The following ZZEF1 variants were observed in gnomAD, a reference collection of about 807,000 sequenced individuals.
The protein encoded by ZZEF1 is zinc finger ZZ-type and EF-hand domain-containing protein 1.
In ZZEF1, 157 loss-of-function variants were observed where a neutral mutation model predicts 342.8. The ratio of observed to expected loss-of-function variants is 0.46; its 90% CI spans 0.40 to 0.52. The LOEUF (loss-of-function observed/expected upper bound fraction) is 0.52, where lower values mean the gene tolerates loss of function less well. Among genes scored for constraint, ZZEF1 ranks in the 20% least tolerant of loss-of-function variants. The pLI, the probability that ZZEF1 is intolerant of heterozygous loss-of-function variation, is 0.00. For synonymous variants in ZZEF1, 1,505 were observed against 1,429.1 expected (o/e 1.05, Z -1.20); for missense variants, 3,480 against 3,725.6 (o/e 0.93, Z 1.72).
At chr17:4,127,975 TC>T (rs2058599089) in intron 1 of ZZEF1, among the ~76,000 whole-genome samples, 1 of 152,024 alleles carries the variant, frequency 6.6e-6, no homozygotes, top group Non-Finnish European at 1.5e-5. Context: ...AGCTTTTTAG[TC>T]CCCCATTCCT....
Position 4,077,993 on chromosome 17 carries a change from A to T in ZZEF1, c.2879T>A (p.Leu960His), listed in dbSNP as rs1567820927. 1.2e-6 allele frequency: 2 copies of T among 1,614,048 alleles called. No homozygotes were observed. Among genetic ancestry groups the T allele is most frequent in the African/African-American group, 2.7e-5 (2 of 74,940 alleles). Residue 960 changes from leucine to histidine, a missense_variant, in exon 19 of 55, where the codon CTC (leucine) becomes CAC (histidine). Around this residue, in one of 5 missense-constraint regions of ZZEF1, gnomAD observed 1,528 missense variants for 1,624.1 expected, o/e 0.94. Transcript: ENST00000381638. ...TTGGACGGACCAGAACAGGGAGAAGAGCACAGAGCCCACCTCCCCTGGGGC... is the reference window on the plus strand; with the variant it reads ...TTGGACGGACCAGAACAGGGAGAAGTGCACAGAGCCCACCTCCCCTGGGGC... ...SGAPGEVGSV[L>H]FSLFWSVQGS...
Position 4,072,542 on chromosome 17 carries a change from C to T in ZZEF1, c.3834+66G>A. 3 of 1,509,408 alleles carry T rather than the reference C, an allele frequency of 2.0e-6. No homozygotes were observed. In the African/African-American group the frequency reaches 4.2e-5, roughly 21 times the overall value. The allele number at this position is 1,509,408 out of a possible 1,614,324, so 93.5% of individuals were successfully genotyped here. A position where few individuals can be genotyped will look rare whatever the true frequency, so the allele number is the denominator to read the frequency against. On this transcript the variant is annotated intron_variant, in intron 25 of 54. Coordinates refer to ENST00000381638, the MANE Select transcript of ZZEF1 (RefSeq NM_015113.4). Reference sequence around the variant, plus strand: ...AAGATAGAAACACAAGTGTTTATAACTTAAAGTAATAAATACTTGCAGGCA... The same window carrying T: ...AAGATAGAAACACAAGTGTTTATAATTTAAAGTAATAAATACTTGCAGGCA...
At chr17:4,070,446 A>G (rs1344480432) in intron 26 of ZZEF1, among the ~76,000 whole-genome samples, 1 of 152,174 alleles carries the variant, frequency 6.6e-6, no homozygotes, top group Non-Finnish European at 1.5e-5. Flanking sequence ...AGAATTCTGG[A>G]TAAAGATAAT....
Position 4,051,046 on chromosome 17 carries a change from G to C in ZZEF1, c.5601-3C>G. The C allele has an allele frequency of 6.2e-7, 1 of 1,614,110 alleles. No homozygotes were observed. Among genetic ancestry groups the C allele is most frequent in the Non-Finnish European group, 8.5e-7 (1 of 1,180,036 alleles). On this transcript the variant is annotated splice_polypyrimidine_tract_variant and splice_region_variant and intron_variant, in intron 35 of 54. Coordinates refer to ENST00000381638, the MANE Select transcript of ZZEF1 (RefSeq NM_015113.4). Reference sequence around the variant, plus strand: ...TGATGCTGTGGGTAGGCAAATGGCTGCAAAGGCAAGACACATTTAAAGCTT... The same window carrying C: ...TGATGCTGTGGGTAGGCAAATGGCTCCAAAGGCAAGACACATTTAAAGCTT...
At position 4,055,850 on chromosome 17, in the gene ZZEF1, T is replaced by A. The variant is rs113384728; in HGVS notation, c.5295+366A>T. On this transcript the variant is annotated intron_variant, in intron 33 of 54. Transcript: ENST00000381638. ...GACCAATTTCGTAGAAGACAATTTC[T>A]GCACAGGACTGGGTGGGGGATGGTT... Among the ~76,000 whole-genome samples the A allele has an allele frequency of 1.6e-3, 239 of 152,308 alleles. 2 individuals are homozygous for A. Among genetic ancestry groups the A allele is most frequent in the African/African-American group, 5.6e-3 (231 of 41,584 alleles).
At position 4,086,639 on chromosome 17, in the gene ZZEF1, C is replaced by T. The variant is rs573555876; in HGVS notation, c.2359G>A (p.Val787Ile). Residue 787 changes from valine (V) to isoleucine (I), a missense_variant, in exon 15 of 55, where the codon GTC (valine) becomes ATC (isoleucine). This residue lies in a region of ZZEF1 where 1,528 missense variants were observed against 1,624.1 expected (regional missense o/e 0.94). Transcript: ENST00000381638. ...KLKQNPREEC[V>I]SAQTLLLQLL... ...TGCAGAAGCAGGGTTTGGGCAGAGA[C>T]GCATTCTTCCCTCGGGCTACAGAAA... 1.1e-4 allele frequency: 180 copies of T among 1,613,710 alleles called. 2 individuals are homozygous for T. The South Asian group carries it at 1.4e-3, about 12-fold the overall frequency.
intron 13 of ZZEF1, 78 bp from the exon 14 acceptor site, chr17:4,087,612 T>C: frequency 7.8e-7 from 1 of 1,275,138 alleles, no homozygotes; most frequent in Non-Finnish European, 1.1e-6. Flanking sequence ...CATTTACTTC[T>C]AATTGTAAAG....
intron 17 of ZZEF1, 96 bp downstream of exon 17, chr17:4,082,341 A>C: frequency 8.7e-7 from 1 of 1,152,564 alleles, no homozygotes; most frequent in Non-Finnish European, 1.3e-6. Flanking sequence ...GGCAGGAAGT[A>C]CTACTTCGAA....
chr17:4,021,828 A>G (rs2056278221), intron 44 of ZZEF1, among the ~76,000 whole-genome samples: 1 of 152,200 alleles, frequency 6.6e-6, no homozygotes, highest in Non-Finnish European at 1.5e-5. Flanking sequence ...CTCATGATGC[A>G]GTCTAGATTT....
chr17:4,034,587 C>G (rs540889629), intron 39 of ZZEF1, among the ~76,000 whole-genome samples: 19 of 152,268 alleles, frequency 1.2e-4, no homozygotes, highest in African/African-American at 4.6e-4. Context: ...CAGAAACACG[C>G]AAAAGTTAAA....
At chr17:4,127,148 G>C (rs1356167218) in intron 1 of ZZEF1, among the ~76,000 whole-genome samples, 1 of 152,042 alleles carries the variant, frequency 6.6e-6, no homozygotes, top group East Asian at 1.9e-4. Flanking sequence ...TGGGACTACA[G>C]GCGTTTCACA....
At chr17:4,129,609 C>T (rs2058632308) in intron 1 of ZZEF1, among the ~76,000 whole-genome samples, 2 of 151,900 alleles carry the variant, frequency 1.3e-5, no homozygotes, top group East Asian at 1.9e-4. Context: ...GAGGCCGAGG[C>T]GGATGGATCA....
intron 16 of ZZEF1, among the ~76,000 whole-genome samples, chr17:4,084,850 C>T (rs1363659031): frequency 2.0e-5 from 3 of 152,202 alleles, no homozygotes; most frequent in Non-Finnish European, 2.9e-5. Context: ...AAGTGGCTCA[C>T]GCCTGTAATC....
rs375965827 is a variant in ZZEF1 at position 4,072,776 on chromosome 17, T to C, written c.3686-20A>G. The C allele has an allele frequency of 4.4e-6, 7 of 1,584,726 alleles. No homozygotes were observed. The highest frequency in any genetic ancestry group is 4.3e-6 in the Non-Finnish European group (5 of 1,164,440). ...CTAACTCTAGAAAGAGAAGAAGACA[T>C]ATGACAGTTCTATTTTTGCCTTAAT... On this transcript the variant is annotated intron_variant, in intron 24 of 54. Transcript: ENST00000381638.
At position 4,032,999 on chromosome 17, in the gene ZZEF1, C is replaced by T; in HGVS notation, c.6588G>A (p.Arg2196=). 1 of 1,565,742 alleles carries T rather than the reference C, an allele frequency of 6.4e-7. No homozygotes were observed. Among genetic ancestry groups the T allele is most frequent in the Non-Finnish European group, 8.7e-7 (1 of 1,154,470 alleles). ...TGGAGCACGCCCAGTCCAAGCCCAC[C>T]CGGCTGGAAGGCAAGAGCTCCATTA... The part of the protein sequence containing the change: ...FSLGAVCLDS[R]VGLDWACSMA... Residue 2196 remains arginine (R), a synonymous_variant, in exon 41 of 55, where the codon CGG becomes CGA. Coordinates refer to ENST00000381638, the MANE Select transcript of ZZEF1 (RefSeq NM_015113.4).
chr17:4,120,285 A>G (rs1444856206), intron 2 of ZZEF1, among the ~76,000 whole-genome samples: 1 of 151,692 alleles, frequency 6.6e-6, no homozygotes, highest in African/African-American at 2.4e-5. Flanking sequence ...TGAATCCGGG[A>G]GGCAGAAGTT....
chr17:4,125,332 T>C (rs1255959501), intron 1 of ZZEF1, among the ~76,000 whole-genome samples: 2 of 152,176 alleles, frequency 1.3e-5, no homozygotes, highest in Non-Finnish European at 2.9e-5. Flanking sequence ...CTTGTTCTTA[T>C]TTCTCTCCTC....
At chr17:4,126,654 A>G (rs940242864) in intron 1 of ZZEF1, among the ~76,000 whole-genome samples, 2 of 152,284 alleles carry the variant, frequency 1.3e-5, no homozygotes, top group African/African-American at 2.4e-5. Context: ...TAAAAAGCCT[A>G]TTTTAAAAAG....
intron 8 of ZZEF1, among the ~76,000 whole-genome samples, chr17:4,103,299 T>C (rs2058156662): frequency 6.6e-6 from 1 of 151,876 alleles, no homozygotes; most frequent in Admixed American, 6.6e-5. Flanking sequence ...TTCCAGCACT[T>C]TGGGAGGCTG....
Sources: gnomAD v4.1 joint callset for allele counts (sites outside exome capture counted in the v4.1 genomes callset) on GRCh38, gnomAD v4.1.1 for gene constraint, gnomAD v4.1.1 regional missense constraint, MANE v1.5 for transcripts, NCBI Gene and HGNC (gene_info 2026-07-23, HGNC 2026-07-21) for gene names.